The following CREBRF variants were observed in gnomAD, a reference collection of about 807,000 sequenced individuals.
CREBRF encodes the protein UPF0474 protein C5orf41.
A neutral mutation model predicts 66.1 loss-of-function variants in CREBRF; 5 were observed. That is an observed-to-expected ratio of 0.08 (90% confidence interval 0.04 to 0.16). The LOEUF is 0.16. CREBRF is among the 10% of genes least tolerant of loss of function. CREBRF has a pLI of 1.00. For synonymous variants in CREBRF, 229 were observed against 264.4 expected, an observed-to-expected ratio of 0.87 and a Z score of 1.30; for missense variants, 531 against 744.9, an observed-to-expected ratio of 0.71 and a Z score of 3.34.
chr5:173,070,798 T>C (rs1314826039), intron 1 of CREBRF, among the ~76,000 whole-genome samples: 2 of 152,144 alleles, frequency 1.3e-5, no homozygotes, highest in Non-Finnish European at 2.9e-5. Context: ...AATAAATATA[T>C]ATTGAATAAT....
rs898812389 is a variant in CREBRF, at chr5:173,090,258, G to C, written c.136-57G>C. 1.4e-6 allele frequency: 2 copies of C among 1,389,020 alleles called. No individual in the cohort carries two copies. Among genetic ancestry groups the C allele is most frequent in the Non-Finnish European group, 2.0e-6 (2 of 1,011,002 alleles). The allele number at this position is 1,389,020 out of a possible 1,614,324, so 86.0% of individuals were successfully genotyped here. On this transcript the variant is annotated intron_variant, in intron 3 of 8. Coordinates refer to ENST00000296953, the MANE Select transcript of CREBRF (RefSeq NM_153607.3). The surrounding 1 kb of genome is among the most constrained non-coding windows in gnomAD (Gnocchi z 4.5). Reference sequence around the variant, plus strand: ...TTGATTTATCAGTTTGACATATGGAGGTGAATATTTCCTTCTGAAATATGA... The same window carrying C: ...TTGATTTATCAGTTTGACATATGGACGTGAATATTTCCTTCTGAAATATGA...
At chr5:173,074,306 A>AG (rs1325418792) in intron 1 of CREBRF, among the ~76,000 whole-genome samples, 1 of 151,660 alleles carries the variant, frequency 6.6e-6, no homozygotes, top group Non-Finnish European at 1.5e-5. Flanking sequence ...TGTCTCAAAA[A>AG]AAAAAAAAAA....
At chr5:173,061,010 C>G (rs533944521) in intron 1 of CREBRF, among the ~76,000 whole-genome samples, 16 of 152,276 alleles carry the variant, frequency 1.1e-4, no homozygotes, top group African/African-American at 2.6e-4. Context: ...TTCTGTCCCC[C>G]CTGCTGGAGT....
intron 4 of CREBRF, among the ~76,000 whole-genome samples, chr5:173,101,116 C>T (rs1169447733): frequency 1.3e-5 from 2 of 152,114 alleles, no homozygotes; most frequent in East Asian, 3.9e-4. Flanking sequence ...GGCTAGAGTG[C>T]AATGGCGTGA....
intron 8 of CREBRF, among the ~76,000 whole-genome samples, chr5:173,130,035 G>T (rs112024751): frequency 0.092 from 13,991 of 152,046 alleles, 775 homozygotes; most frequent in South Asian, 0.16. Context: ...ATGTTGTTCA[G>T]GCTGGCCTCA....
intron 1 of CREBRF, among the ~76,000 whole-genome samples, chr5:173,077,537 C>T (rs868368847): frequency 1.3e-5 from 2 of 151,868 alleles, no homozygotes; most frequent in Non-Finnish European, 2.9e-5. Context: ...GGACTACAGC[C>T]GTGAGCCACC....
chr5:173,073,677 T>C (rs950804550), intron 1 of CREBRF, among the ~76,000 whole-genome samples: 1 of 152,162 alleles, frequency 6.6e-6, no homozygotes, highest in African/African-American at 2.4e-5. Context: ...GCTTTAATAG[T>C]CTTTTTAGGG....
chr5:173,077,323 C>G (rs1042444343), intron 1 of CREBRF, among the ~76,000 whole-genome samples: 3 of 152,112 alleles, frequency 2.0e-5, no homozygotes, highest in African/African-American at 7.2e-5. Flanking sequence ...CTATTTTAAT[C>G]ATCTTTAGCT....
chr5:173,096,942 A>G (rs115992671), intron 4 of CREBRF, among the ~76,000 whole-genome samples: 1 of 152,146 alleles, frequency 6.6e-6, no homozygotes, highest in Non-Finnish European at 1.5e-5. Context: ...CTTGCATCTC[A>G]AAGATAAATC....
chr5:173,106,891 A>G (rs1179983884), intron 4 of CREBRF, among the ~76,000 whole-genome samples: 23 of 152,094 alleles, frequency 1.5e-4, no homozygotes, highest in Admixed American at 1.5e-3. Flanking sequence ...CGGGGATTAC[A>G]GGCACCCACC....
chr5:173,098,686 A>G (rs1292144208), intron 4 of CREBRF, among the ~76,000 whole-genome samples: 1 of 152,054 alleles, frequency 6.6e-6, no homozygotes, highest in African/African-American at 2.4e-5. Flanking sequence ...ATTGTTGAAA[A>G]TGGAGTGTTG....
intron 2 of CREBRF, among the ~76,000 whole-genome samples, chr5:173,081,127 A>C (rs1414564837): frequency 1.3e-5 from 2 of 152,154 alleles, no homozygotes; most frequent in African/African-American, 2.4e-5. Context: ...CCCAATTCTT[A>C]CCTTTCATTT....
At chr5:173,067,258 T>C (rs914377529) in intron 1 of CREBRF, among the ~76,000 whole-genome samples, 2 of 152,280 alleles carry the variant, frequency 1.3e-5, no homozygotes. Flanking sequence ...ACAAGTCTTT[T>C]AGATATCTCT....
chr5:173,067,059 T>C (rs575458369), intron 1 of CREBRF, among the ~76,000 whole-genome samples: 1 of 152,226 alleles, frequency 6.6e-6, no homozygotes, highest in Non-Finnish European at 1.5e-5. Flanking sequence ...GCAGTCCTCC[T>C]GCCTTAGCCT....
At chr5:173,123,349 T>C in intron 8 of CREBRF, 147 bp downstream of exon 8, 2 of 647,428 alleles carry the variant, frequency 3.1e-6, no homozygotes. Context: ...TTTTATCTTT[T>C]GAGATTTAGT....
At chr5:173,109,784 C>T (rs1375083299) in intron 5 of CREBRF, 4 of 152,166 alleles carry the variant, frequency 2.6e-5, no homozygotes, top group African/African-American at 9.7e-5. Flanking sequence ...TTTCCTTTTC[C>T]ACTAGCAACC....
chr5:173,100,468 A>G (rs1358648139), intron 4 of CREBRF, among the ~76,000 whole-genome samples: 1 of 151,354 alleles, frequency 6.6e-6, no homozygotes, highest in Non-Finnish European at 1.5e-5. Context: ...TCTCTCGCCC[A>G]GGCTGGAGTG....
intron 2 of CREBRF, chr5:173,085,416 T>C: frequency 1.1e-6 from 1 of 890,088 alleles, no homozygotes; most frequent in Non-Finnish European, 1.8e-6. Context: ...ATACATTCTT[T>C]TTTTTTTTTT....
intron 1 of CREBRF, among the ~76,000 whole-genome samples, chr5:173,077,297 A>G (rs919668430): frequency 3.3e-5 from 5 of 152,184 alleles, no homozygotes; most frequent in African/African-American, 1.2e-4. Context: ...TTGTGGTAAA[A>G]TATACATAAA....
Sources: allele counts gnomAD v4.1 joint callset (sites outside exome capture counted in the v4.1 genomes callset), GRCh38; gene constraint gnomAD v4.1.1; non-coding constraint Gnocchi (gnomAD v3.1); transcripts MANE v1.5; gene names NCBI Gene and HGNC (gene_info 2026-07-23, HGNC 2026-07-21).